The following BRCA2 variants were observed in gnomAD, a reference collection of about 807,000 sequenced individuals.
BRCA2 encodes BRCA2 DNA repair associated.
Under a neutral mutation model 276.7 loss-of-function variants are expected in BRCA2, and 203 were observed. That is an observed-to-expected ratio of 0.73 (90% CI 0.65 to 0.82). BRCA2 has a LOEUF of 0.82. Ranked by LOEUF, BRCA2 falls within the 40% of genes least tolerant of loss-of-function variation. BRCA2 has a pLI of 0.00. For missense variants in BRCA2, 3,920 were observed against 3,915.0 expected (o/e 1.00, Z -0.03); for synonymous variants, 1,289 against 1,338.4 (o/e 0.96, Z 0.81).
At chr13:32,384,674 T>G in intron 24 of BRCA2, 1 of 229,956 alleles carries the variant, frequency 4.3e-6, no homozygotes, top group Admixed American at 4.1e-5. Flanking sequence ...GTAAAAATGC[T>G]GATGATCATC....
chr13:32,375,391 T>A (rs755693269), intron 20 of BRCA2: 3 of 452,660 alleles, frequency 6.6e-6, no homozygotes, highest in South Asian at 4.7e-5. Context: ...TCCATGAGGG[T>A]TGGAATCAAC....
chr13:32,363,894 A>T (rs1359741157), intron 18 of BRCA2, among the ~76,000 whole-genome samples: 6 of 152,196 alleles, frequency 3.9e-5, no homozygotes, highest in Admixed American at 2.6e-4. Flanking sequence ...TATGTAATAG[A>T]TACACTTTTT....
intron 9 of BRCA2, among the ~76,000 whole-genome samples, chr13:32,331,891 A>T (rs2072394374): frequency 6.6e-6 from 1 of 152,176 alleles, no homozygotes; most frequent in Admixed American, 6.5e-5. Context: ...ATGTAAAATC[A>T]GATTTACCCT....
rs80359094 is a variant in BRCA2 at position 32,370,522 on chromosome 13, G to T, written c.8452G>T (p.Val2818Phe). The T allele has an allele frequency of 6.2e-7, 1 of 1,613,858 alleles. No individual in the cohort carries two copies. The highest frequency in any genetic ancestry group is 1.3e-5 in the African/African-American group (1 of 75,018). ...CAGTGATGGAGGAAATGTTGGTTGTGTTGATGTAATTATTCAAAGAGCATA... is the reference window on the plus strand; with the variant it reads ...CAGTGATGGAGGAAATGTTGGTTGTTTTGATGTAATTATTCAAAGAGCATA... The part of the protein sequence containing the change: ...LFSDGGNVGC[V>F]DVIIQRAYPI... The change falls in exon 19 of 27, where the codon GTT (valine) becomes TTT (phenylalanine). Residue 2818 changes from valine to phenylalanine, a missense_variant. Coordinates refer to ENST00000380152, the MANE Select transcript of BRCA2 (RefSeq NM_000059.4).
intron 3 of BRCA2, among the ~76,000 whole-genome samples, chr13:32,321,161 A>T (rs2072303445): frequency 6.6e-6 from 1 of 152,222 alleles, no homozygotes; most frequent in Non-Finnish European, 1.5e-5. Flanking sequence ...GGAACAAATG[A>T]CAGGGCAAAG....
At chr13:32,331,789 A>G (rs2072393400) in intron 9 of BRCA2, among the ~76,000 whole-genome samples, 1 of 151,458 alleles carries the variant, frequency 6.6e-6, no homozygotes, top group Non-Finnish European at 1.5e-5. Flanking sequence ...GGAATATTGC[A>G]TTTTTCTTAG....
intron 24 of BRCA2, among the ~76,000 whole-genome samples, chr13:32,388,372 G>A (rs1465489313): frequency 6.6e-6 from 1 of 152,124 alleles, no homozygotes; most frequent in Non-Finnish European, 1.5e-5. Context: ...GCTTGCCTCA[G>A]CATCACAAAG....
intron 12 of BRCA2, 127 bp downstream of exon 12, chr13:32,344,780 A>G (rs2137538011): frequency 5.9e-6 from 4 of 678,828 alleles, no homozygotes; most frequent in South Asian, 5.2e-5. Context: ...GTGCCTAATC[A>G]AGGACCTCTT....
At chr13:32,352,036 C>CTT (rs1312845313) in intron 13 of BRCA2, among the ~76,000 whole-genome samples, 2 of 152,020 alleles carry the variant, frequency 1.3e-5, no homozygotes, top group East Asian at 3.9e-4. Flanking sequence ...CTCCTGACCT[C>CTT]GTGATCCGCC....
In BRCA2 at chr13:32,332,766, G is replaced by A. The variant is rs2137469625; in HGVS notation, c.1288G>A (p.Asp430Asn). ...AAATATTTCAGAAAAAGACCTATTA[G>A]ACACAGAGAACAAAAGAAAGAAAGA... ...DQNISEKDLLDTENKRKKDFL... is the reference protein window; with the variant it reads ...DQNISEKDLLNTENKRKKDFL... Residue 430 changes from aspartate (D) to asparagine (N), a missense_variant, in exon 10 of 27, where the codon GAC becomes AAC. Asp to Asn is a conservative substitution (Grantham distance 23). Around this residue, in one of 2 missense-constraint regions of BRCA2, gnomAD observed 3,263 missense variants for 3,156.9 expected, o/e 1.03. Coordinates refer to ENST00000380152, the MANE Select transcript of BRCA2 (RefSeq NM_000059.4). The A allele has an allele frequency of 6.2e-7, 1 of 1,608,652 alleles. No homozygotes were observed. The highest frequency in any genetic ancestry group is 8.5e-7 in the Non-Finnish European group (1 of 1,178,666).
intron 11 of BRCA2, among the ~76,000 whole-genome samples, chr13:32,343,185 G>A (rs2072584973): frequency 6.6e-6 from 1 of 151,990 alleles, no homozygotes; most frequent in Non-Finnish European, 1.5e-5. Context: ...CCTATATTAG[G>A]TATGTATTTG....
chr13:32,379,768 G>A lies in BRCA2; in HGVS notation c.8972G>A (p.Arg2991His), dbSNP rs80359150. The stretch of plus-strand genomic sequence containing the variant: ...CAAACAGTTATACTGAGTATTTGGC[G>A]TCCATCATCAGATTTATATTCTCTG... ...EKDSVILSIWRPSSDLYSLLT... is the reference protein window; with the variant it reads ...EKDSVILSIWHPSSDLYSLLT... The change falls in exon 23 of 27, where the codon CGT (arginine) becomes CAT (histidine). Residue 2991 changes from arginine (R) to histidine (H), a missense_variant. Around this residue, in one of 2 missense-constraint regions of BRCA2, gnomAD observed 657 missense variants for 758.2 expected, o/e 0.87. Transcript: ENST00000380152. 3.8e-5 allele frequency: 62 copies of A among 1,611,694 alleles called. No homozygotes were observed. The highest frequency in any genetic ancestry group is 2.7e-4 in the Admixed American group (16 of 59,970).
chr13:32,348,201 A>C (rs540037843), intron 13 of BRCA2, among the ~76,000 whole-genome samples: 2 of 152,240 alleles, frequency 1.3e-5, no homozygotes, highest in African/African-American at 4.8e-5. Flanking sequence ...ATGAAAAGTC[A>C]ATTCTGTGGA....
intron 18 of BRCA2, among the ~76,000 whole-genome samples, chr13:32,369,873 C>CA (rs1380737708): frequency 6.6e-6 from 1 of 152,200 alleles, no homozygotes; most frequent in Non-Finnish European, 1.5e-5. Flanking sequence ...CTTGCCTGGC[C>CA]AAAGATTAAT....
At position 32,398,560 on chromosome 13, in the gene BRCA2, C is replaced by T. The variant is rs2137666084; in HGVS notation, c.10047C>T (p.Thr3349=). 1 of 1,613,960 alleles carries T rather than the reference C, an allele frequency of 6.2e-7. No homozygotes were observed. The highest frequency in any genetic ancestry group is 2.2e-5 in the East Asian group (1 of 44,870). The part of the protein sequence containing the change: ...IADEELALIN[T]QALLSGSTGE... ...ACGAAGAACTTGCATTGATAAATACCCAAGCTCTTTTGTCTGGTTCAACAG... is the reference window on the plus strand; with the variant it reads ...ACGAAGAACTTGCATTGATAAATACTCAAGCTCTTTTGTCTGGTTCAACAG... The change falls in exon 27 of 27, where the codon ACC becomes ACT. Residue 3349 remains threonine, a synonymous_variant. Coordinates refer to ENST00000380152, the MANE Select transcript of BRCA2 (RefSeq NM_000059.4).
intron 13 of BRCA2, among the ~76,000 whole-genome samples, chr13:32,350,794 T>C (rs1423648629): frequency 6.6e-6 from 1 of 152,028 alleles, no homozygotes; most frequent in East Asian, 1.9e-4. Context: ...TAAAATATAC[T>C]GCCTATTAAT....
rs1195252342 is a variant in BRCA2 at position 32,334,599 on chromosome 13, A to G, written c.1909+1212A>G. ...TCAGACAGGAGGATCACTTGAGCCC[A>G]AGTGACTGAGGCTGCAGTGAACCAA... On this transcript the variant is annotated intron_variant, in intron 10 of 26. Transcript: ENST00000380152. Among the ~76,000 whole-genome samples, 2 of 151,928 alleles carry G rather than the reference A, an allele frequency of 1.3e-5. 1 individual carries two copies. Among genetic ancestry groups the G allele is most frequent in the Middle Eastern group, 6.3e-3 (2 of 316 alleles).
intron 18 of BRCA2, among the ~76,000 whole-genome samples, chr13:32,369,793 C>T (rs562901338): frequency 5.3e-5 from 8 of 152,232 alleles, no homozygotes; most frequent in South Asian, 2.1e-4. Flanking sequence ...CGGGTGGTCT[C>T]GAACTCCTGA....
chr13:32,339,486 G>A lies in BRCA2; in HGVS notation c.5131G>A (p.Val1711Ile), dbSNP rs587782067. The A allele has an allele frequency of 6.3e-7, 1 of 1,583,378 alleles. No homozygotes were observed. The highest frequency in any genetic ancestry group is 1.2e-5 in the South Asian group (1 of 85,646). ...AGAAAGAATAAATACTGCAGATTATGTAGGAAATTATTTGTATGAAAATAA... is the reference window on the plus strand; with the variant it reads ...AGAAAGAATAAATACTGCAGATTATATAGGAAATTATTTGTATGAAAATAA... ...QPERINTADY[V>I]GNYLYENNSN... Residue 1711 changes from valine to isoleucine, a missense_variant, in exon 11 of 27, where the codon GTA becomes ATA. Val to Ile is a conservative substitution (Grantham distance 29). This residue lies in a region of BRCA2 where 3,263 missense variants were observed against 3,156.9 expected (regional missense o/e 1.03). Coordinates refer to ENST00000380152, the MANE Select transcript of BRCA2 (RefSeq NM_000059.4).
Sources: gnomAD v4.1 joint callset for allele counts (sites outside exome capture counted in the v4.1 genomes callset) on GRCh38, gnomAD v4.1.1 for gene constraint, gnomAD v4.1.1 regional missense constraint, MANE v1.5 for transcripts, NCBI Gene and HGNC (gene_info 2026-07-23, HGNC 2026-07-21) for gene names.